Variants in CAMK2D observed in about 807,000 individuals in gnomAD.
The protein encoded by CAMK2D is calcium/calmodulin-dependent protein kinase type II subunit delta.
Under a neutral mutation model 84.0 loss-of-function variants are expected in CAMK2D, and 37 were observed. The ratio of observed to expected loss-of-function variants is 0.44; its 90% CI spans 0.34 to 0.58. The LOEUF is 0.58. CAMK2D is among the 20% of genes least tolerant of loss of function. CAMK2D has a pLI of 0.02. For missense variants in CAMK2D, 448 were observed against 652.5 expected (o/e 0.69, Z 3.41); for synonymous variants, 202 against 212.5 (o/e 0.95, Z 0.43).
intron 8 of CAMK2D, among the ~76,000 whole-genome samples, chr4:113,520,484 G>C (rs1482284228): frequency 6.6e-6 from 1 of 151,996 alleles, no homozygotes; most frequent in Non-Finnish European, 1.5e-5. Context: ...TCATGAGTAA[G>C]CCCAATTTAT....
At chr4:113,604,464 T>C (rs962616024) in intron 4 of CAMK2D, among the ~76,000 whole-genome samples, 1 of 152,200 alleles carries the variant, frequency 6.6e-6, no homozygotes, top group Non-Finnish European at 1.5e-5. Flanking sequence ...TGTGTTTAGT[T>C]TATTAATCTC....
chr4:113,700,411 T>C (rs774236022), intron 2 of CAMK2D, among the ~76,000 whole-genome samples: 6 of 152,140 alleles, frequency 3.9e-5, no homozygotes, highest in African/African-American at 7.2e-5. Flanking sequence ...GGTAAGAAAG[T>C]AGGCTATTTC....
chr4:113,566,334 G>T (rs914619007), intron 4 of CAMK2D, among the ~76,000 whole-genome samples: 1 of 152,136 alleles, frequency 6.6e-6, no homozygotes, highest in Non-Finnish European at 1.5e-5. Flanking sequence ...ACCTTTTGAA[G>T]ATGAAACATA....
chr4:113,655,838 G>A lies in CAMK2D; in HGVS notation c.220+5875C>T, dbSNP rs184307727. Among the ~76,000 whole-genome samples the A allele has an allele frequency of 2.5e-3, 381 of 152,080 alleles. 2 individuals are homozygous for A. The highest frequency in any genetic ancestry group is 8.9e-3 in the African/African-American group (369 of 41,516). On this transcript the variant is annotated intron_variant, in intron 3 of 20. Transcript: ENST00000511664. The stretch of plus-strand genomic sequence containing the variant: ...TTGGACTCTTATGGTTGAATTAAAT[G>A]AATTTTTTTCCTGTTTTCCTATTTT...
intron 5 of CAMK2D, among the ~76,000 whole-genome samples, chr4:113,549,151 C>G (rs1292013496): frequency 3.3e-5 from 5 of 152,114 alleles, no homozygotes; most frequent in Non-Finnish European, 5.9e-5. Flanking sequence ...CACAATTAAA[C>G]AGGTGTTGAA....
At chr4:113,570,317 G>A (rs1186873806) in intron 4 of CAMK2D, among the ~76,000 whole-genome samples, 1 of 152,074 alleles carries the variant, frequency 6.6e-6, no homozygotes, top group Non-Finnish European at 1.5e-5. Flanking sequence ...ACTAAAATGT[G>A]TATGGAACCT....
chr4:113,523,975 C>T (rs1044242003), intron 8 of CAMK2D, among the ~76,000 whole-genome samples: 2 of 151,948 alleles, frequency 1.3e-5, no homozygotes, highest in Non-Finnish European at 2.9e-5. Context: ...ATGATCTTCC[C>T]GGGCTCAGCC....
chr4:113,654,116 G>GTGTGTTTT (rs1490576405), intron 3 of CAMK2D, among the ~76,000 whole-genome samples: 38 of 151,984 alleles, frequency 2.5e-4, no homozygotes, highest in African/African-American at 8.4e-4. Flanking sequence ...TACACAGATT[G>GTGTGTTTT]TGTGTTTTTC....
At chr4:113,723,994 T>G (rs573410716) in intron 2 of CAMK2D, among the ~76,000 whole-genome samples, 2 of 152,290 alleles carry the variant, frequency 1.3e-5, no homozygotes, top group Non-Finnish European at 2.9e-5. Flanking sequence ...TGATGTTATA[T>G]TACGTATTAC....
At position 113,651,110 on chromosome 4, in the gene CAMK2D, A is replaced by G. The variant is rs1592506229; in HGVS notation, c.220+10603T>C. Among the ~76,000 whole-genome samples the G allele has an allele frequency of 3.3e-5, 5 of 152,222 alleles. No individual in the cohort carries two copies. The East Asian group carries it at 9.6e-4, about 29-fold the overall frequency. ...TGTCATTTCACAGGATATGTTATAA[A>G]TTACTACTGAAGTGAAAAACGTGAA... On this transcript the variant is annotated intron_variant, in intron 3 of 20. Coordinates refer to ENST00000511664, the MANE Select transcript of CAMK2D (RefSeq NM_001321571.2).
At chr4:113,499,000 G>A (rs566214990) in intron 16 of CAMK2D, among the ~76,000 whole-genome samples, 2 of 152,228 alleles carry the variant, frequency 1.3e-5, no homozygotes, top group African/African-American at 4.8e-5. Context: ...AGTTTCTCCA[G>A]TGGACAATGA....
intron 2 of CAMK2D, among the ~76,000 whole-genome samples, chr4:113,714,159 T>A (rs1408847042): frequency 1.3e-5 from 2 of 152,074 alleles, no homozygotes; most frequent in Non-Finnish European, 2.9e-5. Context: ...ATGTATTCAG[T>A]GGTCCCTATT....
intron 4 of CAMK2D, among the ~76,000 whole-genome samples, chr4:113,586,906 A>C (rs2098836744): frequency 6.6e-6 from 1 of 152,208 alleles, no homozygotes; most frequent in African/African-American, 2.4e-5. Flanking sequence ...TACAAAAAAC[A>C]GTTTGAATAA....
intron 2 of CAMK2D, among the ~76,000 whole-genome samples, chr4:113,686,098 T>C (rs911791886): frequency 1.3e-5 from 2 of 151,342 alleles, no homozygotes; most frequent in Admixed American, 1.3e-4. Context: ...AATAAACGAA[T>C]AATGAATAAA....
At chr4:113,496,542 G>A (rs529112256) in intron 16 of CAMK2D, among the ~76,000 whole-genome samples, 27 of 150,552 alleles carry the variant, frequency 1.8e-4, no homozygotes, top group African/African-American at 4.2e-4. Flanking sequence ...TCCACCCACC[G>A]GGTTCAAGTG....
At chr4:113,727,182 C>T (rs929644431) in intron 2 of CAMK2D, among the ~76,000 whole-genome samples, 5 of 152,036 alleles carry the variant, frequency 3.3e-5, no homozygotes, top group Non-Finnish European at 5.9e-5. Flanking sequence ...AGATTCAATG[C>T]CATTCAAAGA....
chr4:113,622,103 T>G (rs2099048656), intron 3 of CAMK2D, among the ~76,000 whole-genome samples: 2 of 152,228 alleles, frequency 1.3e-5, no homozygotes, highest in Non-Finnish European at 2.9e-5. Context: ...ACAAATTTCC[T>G]GGTAAACAAC....
intron 2 of CAMK2D, among the ~76,000 whole-genome samples, chr4:113,746,039 A>C (rs2099603402): frequency 6.6e-6 from 1 of 152,242 alleles, no homozygotes. Flanking sequence ...TTTGAATGAA[A>C]GATGCTAAAT....
intron 2 of CAMK2D, among the ~76,000 whole-genome samples, chr4:113,665,240 G>GT (rs1375679961): frequency 2.0e-5 from 3 of 152,194 alleles, no homozygotes; most frequent in African/African-American, 4.8e-5. Flanking sequence ...ACTGGGACAT[G>GT]TTTTGACATC....
Sources: allele counts gnomAD v4.1 joint callset (sites outside exome capture counted in the v4.1 genomes callset), GRCh38; gene constraint gnomAD v4.1.1; transcripts MANE v1.5; gene names NCBI Gene and HGNC (gene_info 2026-07-23, HGNC 2026-07-21).